RORA: variants seen among roughly 807,000 people sequenced by gnomAD.
The protein encoded by RORA is nuclear receptor ROR-alpha.
RORA carries 7 observed loss-of-function variants against 69.5 expected under a neutral mutation model. The ratio of observed to expected loss-of-function variants is 0.10; its 90% confidence interval spans 0.06 to 0.19. The LOEUF (loss-of-function observed/expected upper bound fraction) is 0.19, where lower values mean the gene tolerates loss of function less well. RORA is among the 10% of genes least tolerant of loss of function. The pLI is 1.00. For missense variants in RORA, 457 were observed against 663.0 expected (o/e 0.69, Z 3.41); for synonymous variants, 261 against 240.8 (o/e 1.08, Z -0.78).
chr15:60,753,690 C>T (rs950429323), intron 1 of RORA, among the ~76,000 whole-genome samples: 11 of 152,142 alleles, frequency 7.2e-5, no homozygotes, highest in Non-Finnish European at 1.2e-4. Context: ...TAAAGCCATG[C>T]TATATCCCTT....
In RORA at chr15:60,910,663, G is replaced by A. The variant is rs191486414; in HGVS notation, c.167-231977C>T. Among the ~76,000 whole-genome samples, 3 of 152,306 alleles carry A rather than the reference G, an allele frequency of 2.0e-5. No individual in the cohort carries two copies. In the East Asian group the frequency reaches 5.8e-4, roughly 29 times the overall value. Reference sequence around the variant, plus strand: ...TTCACAAAGAACTTAGAGAGAAACAGACAAGGTACAAACCCAGATTGGCTA... The same window carrying A: ...TTCACAAAGAACTTAGAGAGAAACAAACAAGGTACAAACCCAGATTGGCTA... On this transcript the variant is annotated intron_variant, in intron 1 of 10. Coordinates refer to ENST00000335670, the MANE Select transcript of RORA (RefSeq NM_134261.3).
chr15:60,763,668 G>T (rs771599408), intron 1 of RORA, among the ~76,000 whole-genome samples: 1 of 152,118 alleles, frequency 6.6e-6, no homozygotes, highest in Admixed American at 6.5e-5. Context: ...ATATGCCAGG[G>T]GGGTAGCTCC....
chr15:60,615,052 C>T (rs1445747414), intron 2 of RORA: 1 of 1,602,458 alleles, frequency 6.2e-7, no homozygotes, highest in Admixed American at 1.7e-5. Context: ...AGAACAGCGT[C>T]AACCCACACA....
chr15:61,125,187 A>C (rs2079133164), intron 1 of RORA, among the ~76,000 whole-genome samples: 1 of 152,230 alleles, frequency 6.6e-6, no homozygotes, highest in Non-Finnish European at 1.5e-5. Context: ...TATTCATACC[A>C]AAAGCCAACT....
At chr15:61,083,497 A>G (rs779188120) in intron 1 of RORA, among the ~76,000 whole-genome samples, 4 of 152,068 alleles carry the variant, frequency 2.6e-5, no homozygotes, top group Non-Finnish European at 4.4e-5. Context: ...AAATCTCTCC[A>G]TGTTCAGAAG....
At chr15:60,956,351 T>C (rs889622733) in intron 1 of RORA, among the ~76,000 whole-genome samples, 11 of 152,248 alleles carry the variant, frequency 7.2e-5, no homozygotes, top group African/African-American at 2.7e-4. Flanking sequence ...AGGTAGATAC[T>C]AATTTCTTCA....
At chr15:60,937,266 C>T (rs975316548) in intron 1 of RORA, among the ~76,000 whole-genome samples, 13 of 152,174 alleles carry the variant, frequency 8.5e-5, no homozygotes, top group East Asian at 3.8e-4. Context: ...AGTGTAGGCA[C>T]TCTCTGAATT....
intron 1 of RORA, among the ~76,000 whole-genome samples, chr15:60,885,812 G>A (rs892080476): frequency 6.6e-6 from 1 of 152,190 alleles, no homozygotes; most frequent in African/African-American, 2.4e-5. Context: ...TTCCTCATGT[G>A]TAAAACAAGG....
chr15:60,672,003 C>A (rs750556255), intron 2 of RORA, among the ~76,000 whole-genome samples: 9 of 152,102 alleles, frequency 5.9e-5, no homozygotes, highest in Non-Finnish European at 1.0e-4. Context: ...AGGAGGATCT[C>A]CTGAGACCAA....
chr15:60,970,743 A>C (rs190342216), intron 1 of RORA, among the ~76,000 whole-genome samples: 15 of 152,310 alleles, frequency 9.8e-5, no homozygotes, highest in South Asian at 6.2e-4. Context: ...TAATTATCTG[A>C]GGCCCTCCAA....
rs531962082 is a variant in RORA at position 60,758,543 on chromosome 15, T to C, written c.167-79857A>G. On this transcript the variant is annotated intron_variant, in intron 1 of 10. Coordinates refer to ENST00000335670, the MANE Select transcript of RORA (RefSeq NM_134261.3). ...GTTCCAAGGCTGGAGACCTCTCTGTTTTCAAATACAGTTGGGGAGTGGGAA... is the reference window on the plus strand; with the variant it reads ...GTTCCAAGGCTGGAGACCTCTCTGTCTTCAAATACAGTTGGGGAGTGGGAA... 1.9e-4 allele frequency among the ~76,000 whole-genome samples: 29 copies of C among 152,286 alleles called. No individual in the cohort carries two copies. In the South Asian group the frequency reaches 4.1e-3, roughly 22 times the overall value.
At chr15:61,216,855 C>A (rs2140943084) in intron 1 of RORA, among the ~76,000 whole-genome samples, 1 of 152,322 alleles carries the variant, frequency 6.6e-6, no homozygotes, top group East Asian at 1.9e-4. Flanking sequence ...GCACAGCACA[C>A]ACCTGGGTCT....
chr15:60,637,715 C>T (rs952295591), intron 2 of RORA, among the ~76,000 whole-genome samples: 1 of 152,144 alleles, frequency 6.6e-6, no homozygotes, highest in African/African-American at 2.4e-5. Flanking sequence ...ATTCTTTTTA[C>T]ATATGCGAGA....
At chr15:61,089,258 G>A (rs1164876816) in intron 1 of RORA, among the ~76,000 whole-genome samples, 4 of 152,152 alleles carry the variant, frequency 2.6e-5, no homozygotes, top group African/African-American at 9.7e-5. Flanking sequence ...CCCTACTGTA[G>A]AAAAAAGTCC....
chr15:60,946,045 C>T (rs1892860786), intron 1 of RORA, among the ~76,000 whole-genome samples: 1 of 152,100 alleles, frequency 6.6e-6, no homozygotes, highest in South Asian at 2.1e-4. Context: ...AACCAAGGAA[C>T]CTCCAGGAAG....
At chr15:60,670,956 G>A (rs1283192427) in intron 2 of RORA, among the ~76,000 whole-genome samples, 1 of 151,686 alleles carries the variant, frequency 6.6e-6, no homozygotes, top group African/African-American at 2.4e-5. Context: ...CGTACAGATT[G>A]CAATAAAAAG....
At chr15:60,769,303 G>A (rs181976656) in intron 1 of RORA, among the ~76,000 whole-genome samples, 1 of 152,254 alleles carries the variant, frequency 6.6e-6, no homozygotes, top group East Asian at 1.9e-4. Flanking sequence ...ATAATATGAA[G>A]CAGAAAACCT....
chr15:60,827,389 G>A (rs145919123), intron 1 of RORA, among the ~76,000 whole-genome samples: 5,333 of 152,248 alleles, frequency 0.035, 131 homozygotes, highest in South Asian at 0.051. Context: ...TGTCTGGCAC[G>A]TAAAAAAATC....
intron 1 of RORA, among the ~76,000 whole-genome samples, chr15:60,716,793 G>A (rs2071225768): frequency 6.6e-6 from 1 of 152,176 alleles, no homozygotes; most frequent in Admixed American, 6.5e-5. Flanking sequence ...AGGAGGGCTG[G>A]GTTCAGAGCT....
Sources: allele counts gnomAD v4.1 joint callset (sites outside exome capture counted in the v4.1 genomes callset), GRCh38; gene constraint gnomAD v4.1.1; transcripts MANE v1.5; gene names NCBI Gene and HGNC (gene_info 2026-07-23, HGNC 2026-07-21).